The following FERMT1 variants were observed in gnomAD, a reference collection of about 807,000 sequenced individuals.
The protein encoded by FERMT1 is FERM domain containing kindlin 1, also known as fermitin family homolog 1.
In FERMT1, 60 loss-of-function variants were observed where a neutral mutation model predicts 85.3. That is an observed-to-expected ratio of 0.70 (90% confidence interval 0.57 to 0.87). FERMT1 has a LOEUF of 0.87. Among genes scored for constraint, FERMT1 ranks in the 40% least tolerant of loss-of-function variants. FERMT1 has a pLI of 0.00. For synonymous variants in FERMT1, 275 were observed against 301.1 expected (o/e 0.91, Z 0.90); for missense variants, 701 against 818.9 (o/e 0.86, Z 1.76).
intron 13 of FERMT1, among the ~76,000 whole-genome samples, chr20:6,082,322 T>G (rs976928826): frequency 1.4e-4 from 21 of 152,270 alleles, no homozygotes; most frequent in African/African-American, 4.6e-4. Context: ...GAGAGCCCAC[T>G]GGACACATGG....
In FERMT1 at chr20:6,075,704, T is replaced by C. The variant is rs1981796733; in HGVS notation, c.*1469A>G. On this transcript the variant is annotated 3_prime_UTR_variant, in exon 15 of 15. Transcript: ENST00000217289. ...TGGAAAATAAAGCAACAGCTGACGC[T>C]CACGGGCCTCGGAACTCTGGCCAGG... is the stretch of plus-strand genomic sequence containing the variant. The C allele has an allele frequency of 6.6e-6, 1 of 152,338 alleles. No individual in the cohort carries two copies. The highest frequency in any genetic ancestry group is 1.5e-5 in the Non-Finnish European group (1 of 68,064). The allele number at this position is 152,338 out of a possible 1,614,324, so 9.4% of individuals were successfully genotyped here.
Position 6,077,189 on chromosome 20 carries a change from G to C in FERMT1, c.2018C>G (p.Thr673Ser). 6.2e-7 allele frequency: 1 copy of C among 1,614,056 alleles called. No individual in the cohort carries two copies. The part of the protein sequence containing the change: ...TLDEDLFHKL[T>S]GGQD The stretch of plus-strand genomic sequence containing the variant: ...GTGCTTGTTTCAATCCTGACCGCCG[G>C]TCAATTTGTGGAACAAGTCCTCATC... The change falls in exon 15 of 15, where the codon ACC (threonine) becomes AGC (serine). Residue 673 changes from threonine to serine, a missense_variant. Physicochemically the swap from Thr to Ser is moderately conservative, Grantham distance 58. Coordinates refer to ENST00000217289, the MANE Select transcript of FERMT1 (RefSeq NM_017671.5).
chr20:6,083,929 T>C (rs767816499), intron 13 of FERMT1, 111 bp downstream of exon 13: 25 of 1,284,846 alleles, frequency 1.9e-5, no homozygotes, highest in Non-Finnish European at 2.6e-5. Context: ...AGGGCAATAT[T>C]CTCAAATAAA....
intron 2 of FERMT1, 130 bp downstream of exon 2, chr20:6,119,274 A>G: frequency 1.0e-6 from 1 of 957,620 alleles, no homozygotes; most frequent in Non-Finnish European, 1.6e-6. Context: ...CTCCTCTGGG[A>G]TGAGGGGTGG....
rs112632652 is a variant in FERMT1 at position 6,084,710 on chromosome 20, C to T, written c.1593+356G>A. Among the ~76,000 whole-genome samples, 828 of 112,948 alleles carry T rather than the reference C, an allele frequency of 7.3e-3. 4 individuals carry two copies. Among genetic ancestry groups the T allele is most frequent in the African/African-American group, 0.025 (721 of 29,116 alleles). The allele number at this position is 112,948 out of a possible 152,430, so 74.1% of individuals were successfully genotyped here. A position where few individuals can be genotyped will look rare whatever the true frequency, so the allele number is the denominator to read the frequency against. On this transcript the variant is annotated intron_variant, in intron 12 of 14. Coordinates refer to ENST00000217289, the MANE Select transcript of FERMT1 (RefSeq NM_017671.5). ...GGAATTACTCCTTTTTTTTTTTTTT[C>T]TGAGACACAGTCTTGCTTTGTTGCC...
chr20:6,107,580 C>T lies in FERMT1; in HGVS notation c.801G>A (p.Gln267=), dbSNP rs760989721. The T allele has an allele frequency of 3.7e-6, 6 of 1,613,118 alleles. No individual in the cohort carries two copies. In the South Asian group the frequency reaches 6.6e-5, roughly 18 times the overall value. ...LMEQGIQEDE[Q]LLLRFKYYSF... is the part of the protein sequence containing the mutation. ...AATAATATTTAAATCGTAAGAGCAG[C>T]TGCTCATCCTCTTGGATGCCTTGTT... The change falls in exon 6 of 15, where the codon CAG becomes CAA. Residue 267 remains glutamine (Q), a synonymous_variant. Transcript: ENST00000217289.
intron 1 of FERMT1, among the ~76,000 whole-genome samples, chr20:6,121,706 A>G (rs1295465336): frequency 6.6e-6 from 1 of 152,246 alleles, no homozygotes; most frequent in Non-Finnish European, 1.5e-5. Context: ...AAGTTGCCTG[A>G]GGTCACACAG....
At chr20:6,112,417 T>C (rs1982975760) in intron 4 of FERMT1, 60 bp downstream of exon 4, 2 of 1,530,852 alleles carry the variant, frequency 1.3e-6, no homozygotes, top group Admixed American at 1.7e-5. Context: ...AGGAGAGATA[T>C]ATTTCTCTCT....
intron 10 of FERMT1, 46 bp from the exon 11 acceptor site, chr20:6,087,929 T>A (rs1172568642): frequency 2.0e-6 from 2 of 1,008,594 alleles, no homozygotes; most frequent in South Asian, 2.5e-5. Context: ...GAGGCATCTG[T>A]TAGATAAACA....
chr20:6,088,418 C>A (rs1403136909), intron 10 of FERMT1, among the ~76,000 whole-genome samples: 1 of 152,192 alleles, frequency 6.6e-6, no homozygotes, highest in African/African-American at 2.4e-5. Flanking sequence ...ATTACCACCA[C>A]ATCATAAACT....
rs978990163 is a variant in FERMT1 at position 6,074,856 on chromosome 20, T to C, written c.*2317A>G. The stretch of plus-strand genomic sequence containing the variant: ...CAACAGGACCGTACTCAAATCCATA[T>C]AAATCTTTTACTTAAAAGTCATATA... On this transcript the variant is annotated 3_prime_UTR_variant, in exon 15 of 15. Coordinates refer to ENST00000217289, the MANE Select transcript of FERMT1 (RefSeq NM_017671.5). 5.3e-5 allele frequency: 8 copies of C among 152,270 alleles called. No homozygotes were observed. The highest frequency in any genetic ancestry group is 1.4e-4 in the African/African-American group (6 of 41,422). 9.4% of individuals were successfully genotyped at this position (152,270 alleles called of 1,614,324 possible). A position where few individuals can be genotyped will look rare whatever the true frequency, so the allele number is the denominator to read the frequency against.
intron 14 of FERMT1, among the ~76,000 whole-genome samples, chr20:6,077,664 C>T (rs1469939451): frequency 2.0e-5 from 3 of 152,046 alleles, no homozygotes; most frequent in Admixed American, 6.6e-5. Context: ...CAGGGTGCTT[C>T]GCAGGCACTT....
intron 13 of FERMT1, among the ~76,000 whole-genome samples, chr20:6,081,497 C>T (rs889877124): frequency 1.3e-5 from 2 of 151,954 alleles, no homozygotes; most frequent in African/African-American, 4.8e-5. Flanking sequence ...GACTGAGAGG[C>T]GACCAATGGA....
chr20:6,113,988 T>G (rs6076942), intron 3 of FERMT1, among the ~76,000 whole-genome samples: 4,977 of 152,342 alleles, frequency 0.033, 132 homozygotes, highest in South Asian at 0.055. Flanking sequence ...CACTAGTGGC[T>G]ATCATTCCAG....
intron 13 of FERMT1, among the ~76,000 whole-genome samples, chr20:6,082,213 G>C (rs1289677771): frequency 6.6e-6 from 1 of 152,224 alleles, no homozygotes; most frequent in Non-Finnish European, 1.5e-5. Flanking sequence ...TAAAGGAGGA[G>C]TTGTCACCGG....
intron 6 of FERMT1, among the ~76,000 whole-genome samples, chr20:6,103,172 C>T (rs1982706192): frequency 6.6e-6 from 1 of 152,186 alleles, no homozygotes; most frequent in Non-Finnish European, 1.5e-5. Flanking sequence ...CCCCTCTCTA[C>T]CTTGTTCCCT....
chr20:6,121,926 T>TC (rs759713558), intron 1 of FERMT1, among the ~76,000 whole-genome samples: 23 of 152,252 alleles, frequency 1.5e-4, no homozygotes, highest in Non-Finnish European at 3.1e-4. Flanking sequence ...AGATGCCCCT[T>TC]CATCGTCAAA....
chr20:6,099,625 G>A lies in FERMT1; in HGVS notation c.850-1994C>T, dbSNP rs141443709. Among the ~76,000 whole-genome samples the A allele has an allele frequency of 5.4e-3, 824 of 152,158 alleles. 7 individuals carry two copies. Among genetic ancestry groups the A allele is most frequent in the Admixed American group, 9.6e-3 (146 of 15,274 alleles). Reference sequence around the variant, plus strand: ...GCAATGGAGAATTATTGTTTAATAGGTACAGACTTTCTTTTTGGGATGGTA... The same window carrying A: ...GCAATGGAGAATTATTGTTTAATAGATACAGACTTTCTTTTTGGGATGGTA... On this transcript the variant is annotated intron_variant, in intron 6 of 14. Coordinates refer to ENST00000217289, the MANE Select transcript of FERMT1 (RefSeq NM_017671.5).
intron 6 of FERMT1, among the ~76,000 whole-genome samples, chr20:6,100,975 T>C (rs2123124724): frequency 6.6e-6 from 1 of 152,208 alleles, no homozygotes; most frequent in Non-Finnish European, 1.5e-5. Flanking sequence ...TTGTGGCAAA[T>C]ATATAAACAG....
Sources: allele counts gnomAD v4.1 joint callset (sites outside exome capture counted in the v4.1 genomes callset), GRCh38; gene constraint gnomAD v4.1.1; transcripts MANE v1.5; gene names NCBI Gene and HGNC (gene_info 2026-07-23, HGNC 2026-07-21).